Variants in ASTN2 observed in about 807,000 individuals in gnomAD.
ASTN2 encodes the protein astrotactin 2, also known as astrotactin-2.
Under a neutral mutation model 139.8 loss-of-function variants are expected in ASTN2, and 54 were observed. The ratio of observed to expected loss-of-function variants is 0.39; its 90% CI spans 0.31 to 0.48. The LOEUF (loss-of-function observed/expected upper bound fraction) is 0.48. Among genes scored for constraint, ASTN2 ranks in the 20% least tolerant of loss-of-function variants. ASTN2 has a pLI of 0.95. For synonymous variants in ASTN2, 756 were observed against 719.5 expected (o/e 1.05, Z -0.81); for missense variants, 1,565 against 1,725.1 (o/e 0.91, Z 1.64).
intron 17 of ASTN2, among the ~76,000 whole-genome samples, chr9:116,651,164 G>A (rs1188128866): frequency 6.6e-6 from 1 of 151,842 alleles, no homozygotes; most frequent in African/African-American, 2.4e-5. Context: ...TAATCCACCC[G>A]CCTTGGCCTC....
chr9:116,747,693 G>GCACACACACACACA (rs56265727), intron 13 of ASTN2, among the ~76,000 whole-genome samples: 2 of 149,160 alleles, frequency 1.3e-5, no homozygotes, highest in South Asian at 2.2e-4. Flanking sequence ...GTGTGCATGA[G>GCACACACACACACA]CACACACACA....
intron 1 of ASTN2, among the ~76,000 whole-genome samples, chr9:117,318,958 T>C (rs1828233476): frequency 6.6e-6 from 1 of 152,216 alleles, no homozygotes; most frequent in Non-Finnish European, 1.5e-5. Context: ...AACTAGTCAC[T>C]GCGGGAGGCA....
chr9:116,885,907 A>G (rs1833584264), intron 10 of ASTN2, among the ~76,000 whole-genome samples: 1 of 152,176 alleles, frequency 6.6e-6, no homozygotes, highest in Non-Finnish European at 1.5e-5. Context: ...CATTTAGCAA[A>G]TACCTATTGA....
At chr9:117,366,829 C>T (rs754012522) in intron 1 of ASTN2, among the ~76,000 whole-genome samples, 24 of 152,088 alleles carry the variant, frequency 1.6e-4, no homozygotes, top group South Asian at 2.1e-4. Context: ...GGCTGGAGCA[C>T]GGTGGCATGA....
chr9:116,426,117 T>G, intron 22 of ASTN2, 29 bp from the exon 23 acceptor site: 1 of 1,607,820 alleles, frequency 6.2e-7, no homozygotes, highest in Non-Finnish European at 8.5e-7. Context: ...CAGCCATGAT[T>G]AAAGAAGTCC....
chr9:116,688,611 G>A (rs932863177), intron 16 of ASTN2, among the ~76,000 whole-genome samples: 1 of 151,910 alleles, frequency 6.6e-6, no homozygotes, highest in African/African-American at 2.4e-5. Flanking sequence ...GTATGGTATT[G>A]CCACTAACTC....
intron 2 of ASTN2, among the ~76,000 whole-genome samples, chr9:117,230,590 C>T (rs1407476842): frequency 6.6e-6 from 1 of 152,124 alleles, no homozygotes; most frequent in East Asian, 1.9e-4. Context: ...TATGTCAGGA[C>T]ACTATTAAAC....
intron 13 of ASTN2, among the ~76,000 whole-genome samples, chr9:116,800,460 G>C (rs375039127): frequency 1.3e-5 from 2 of 152,078 alleles, no homozygotes; most frequent in African/African-American, 4.8e-5. Flanking sequence ...ATCACCACAT[G>C]CTCGCCCCCC....
chr9:117,104,516 T>C (rs1156495851), intron 4 of ASTN2, among the ~76,000 whole-genome samples: 3 of 152,214 alleles, frequency 2.0e-5, no homozygotes, highest in Non-Finnish European at 2.9e-5. Flanking sequence ...CATTCTGAGA[T>C]GGCATGATCT....
At chr9:116,942,471 T>C (rs1168120553) in intron 10 of ASTN2, among the ~76,000 whole-genome samples, 1 of 152,186 alleles carries the variant, frequency 6.6e-6, no homozygotes, top group Non-Finnish European at 1.5e-5. Context: ...TAGATTGAGA[T>C]AGCCCTCTGT....
chr9:116,779,203 G>T (rs933682594), intron 13 of ASTN2, among the ~76,000 whole-genome samples: 1 of 152,084 alleles, frequency 6.6e-6, no homozygotes. Context: ...TTGCAGGGTG[G>T]GGTCTTTTGG....
intron 16 of ASTN2, among the ~76,000 whole-genome samples, chr9:116,719,986 C>A (rs1270537635): frequency 1.3e-5 from 2 of 152,102 alleles, no homozygotes; most frequent in East Asian, 3.8e-4. Flanking sequence ...AGAACAACTC[C>A]GTTCATATCT....
chr9:116,724,565 A>C (rs1339531285), intron 16 of ASTN2, among the ~76,000 whole-genome samples: 1 of 152,192 alleles, frequency 6.6e-6, no homozygotes, highest in Non-Finnish European at 1.5e-5. Flanking sequence ...GGCCCTGCCA[A>C]GCAAAGCTGC....
At chr9:116,831,002 C>T (rs980332857) in intron 11 of ASTN2, among the ~76,000 whole-genome samples, 59 of 147,518 alleles carry the variant, frequency 4.0e-4, no homozygotes, top group African/African-American at 1.3e-3. Flanking sequence ...CCATGGAATA[C>T]TACTAGGGCA....
intron 16 of ASTN2, among the ~76,000 whole-genome samples, chr9:116,717,407 G>T (rs867297868): frequency 1.3e-5 from 2 of 152,098 alleles, no homozygotes; most frequent in Non-Finnish European, 2.9e-5. Context: ...GGAGAAATAC[G>T]TTGGCTCTGT....
chr9:117,229,389 C>T (rs2133053176), intron 2 of ASTN2, among the ~76,000 whole-genome samples: 1 of 152,322 alleles, frequency 6.6e-6, no homozygotes, highest in Middle Eastern at 3.4e-3. Flanking sequence ...CTATTGCCTT[C>T]CAAGACCCAC....
intron 11 of ASTN2, among the ~76,000 whole-genome samples, chr9:116,854,958 C>A (rs574737733): frequency 6.7e-6 from 1 of 149,230 alleles, no homozygotes; most frequent in Admixed American, 6.6e-5. Context: ...GGCCTCCCTT[C>A]TCATTATTCC....
At chr9:116,637,485 A>G (rs149487549) in intron 17 of ASTN2, among the ~76,000 whole-genome samples, 1 of 152,304 alleles carries the variant, frequency 6.6e-6, no homozygotes, top group East Asian at 1.9e-4. Flanking sequence ...GGCATACAGT[A>G]TTTTTTTGAG....
At chr9:116,948,234 C>T (rs1159079318) in intron 10 of ASTN2, among the ~76,000 whole-genome samples, 1 of 152,104 alleles carries the variant, frequency 6.6e-6, no homozygotes, top group Non-Finnish European at 1.5e-5. Flanking sequence ...ATTGTGAAGT[C>T]CTTTGTGGGG....
Sources: gnomAD v4.1 joint callset for allele counts (sites outside exome capture counted in the v4.1 genomes callset) on GRCh38, gnomAD v4.1.1 for gene constraint, MANE v1.5 for transcripts, NCBI Gene and HGNC (gene_info 2026-07-23, HGNC 2026-07-21) for gene names.